The following CELF4 variants were observed in gnomAD, a reference collection of about 807,000 sequenced individuals.
CELF4 encodes the protein CUG-BP- and ETR-3-like factor 4.
Under a neutral mutation model 59.9 loss-of-function variants are expected in CELF4, and 18 were observed. The observed-to-expected ratio is 0.30, with a 90% CI of 0.21 to 0.45. CELF4 has a LOEUF of 0.45. CELF4 is among the 20% of genes least tolerant of loss of function. The pLI is 1.00. For synonymous variants in CELF4, 261 were observed against 267.1 expected, an observed-to-expected ratio of 0.98 and a Z score of 0.22; for missense variants, 456 against 689.0, an observed-to-expected ratio of 0.66 and a Z score of 3.79.
At chr18:37,441,836 C>T (rs185443877) in intron 2 of CELF4, among the ~76,000 whole-genome samples, 393 of 152,244 alleles carry the variant, frequency 2.6e-3, no homozygotes, top group African/African-American at 9.0e-3. Context: ...GTCCTCCTGA[C>T]GACTGCAACT....
rs1337224372 is a variant in CELF4 at position 37,246,169 on chromosome 18, T to C, written c.*45-972A>G. On this transcript the variant is annotated intron_variant, in intron 12 of 12. Coordinates refer to ENST00000420428, the MANE Select transcript of CELF4 (RefSeq NM_020180.4). This position sits in a 1 kb window ranked among gnomAD's most constrained non-coding sequence, Gnocchi z 5.3. Reference sequence around the variant, plus strand: ...CTGGTTACATCAAGAAAGTTAGAACTGCAAAGCCCCCACTTGAGGGGACAA... The same window carrying C: ...CTGGTTACATCAAGAAAGTTAGAACCGCAAAGCCCCCACTTGAGGGGACAA... Among the ~76,000 whole-genome samples the C allele has an allele frequency of 1.3e-5, 2 of 152,144 alleles. No homozygotes were observed. Among genetic ancestry groups the C allele is most frequent in the African/African-American group, 4.8e-5 (2 of 41,428 alleles).
chr18:37,275,127 C>G lies in CELF4; in HGVS notation c.565G>C (p.Gly189Arg). ...CCGCCCCGCGCACCCTTGCTGTTGC[C>G]GTCGGGCCCGCGCAGGATGGTGCAC... The part of the protein sequence containing the change: ...EECTILRGPD[G>R]NSKGCAFVKY... The change falls in exon 4 of 13, where the codon GGC (glycine) becomes CGC (arginine). Residue 189 changes from glycine (G) to arginine (R), a missense_variant. Coordinates refer to ENST00000420428, the MANE Select transcript of CELF4 (RefSeq NM_020180.4). 4 of 1,613,270 alleles carry G rather than the reference C, an allele frequency of 2.5e-6. No individual in the cohort carries two copies. Among genetic ancestry groups the G allele is most frequent in the Non-Finnish European group, 3.4e-6 (4 of 1,179,830 alleles).
chr18:37,352,950 G>A (rs990066708), intron 2 of CELF4, among the ~76,000 whole-genome samples: 8 of 152,036 alleles, frequency 5.3e-5, no homozygotes, highest in South Asian at 2.1e-4. Flanking sequence ...GGCCGGGCGC[G>A]GTAGCTCACG....
chr18:37,456,113 G>C (rs1301593860), intron 2 of CELF4, among the ~76,000 whole-genome samples: 1 of 152,178 alleles, frequency 6.6e-6, no homozygotes, highest in East Asian at 1.9e-4. Context: ...CCTCGGTCCT[G>C]CTTCAGTGCT....
intron 1 of CELF4, among the ~76,000 whole-genome samples, chr18:37,522,217 T>C (rs1427443176): frequency 6.6e-6 from 1 of 152,182 alleles, no homozygotes; most frequent in Non-Finnish European, 1.5e-5. Flanking sequence ...TCCTCCTGAC[T>C]GGTGCAACAC....
chr18:37,314,658 G>A (rs979237702), intron 3 of CELF4, among the ~76,000 whole-genome samples: 1 of 145,472 alleles, frequency 6.9e-6, no homozygotes, highest in South Asian at 2.2e-4. Context: ...CCACCACCCT[G>A]CCAGGGCCCC....
At chr18:37,463,845 C>T (rs2099800444) in intron 2 of CELF4, among the ~76,000 whole-genome samples, 1 of 152,146 alleles carries the variant, frequency 6.6e-6, no homozygotes, top group African/African-American at 2.4e-5. Context: ...TCTAATCTGT[C>T]CCCACCCAAC....
At chr18:37,531,057 G>A (rs1034416355) in intron 1 of CELF4, among the ~76,000 whole-genome samples, 8 of 152,100 alleles carry the variant, frequency 5.3e-5, no homozygotes, top group South Asian at 2.1e-4. Flanking sequence ...GGGGTCACCC[G>A]TGGAAGAGCA....
chr18:37,346,659 C>T (rs566970644), intron 2 of CELF4, among the ~76,000 whole-genome samples: 8 of 152,048 alleles, frequency 5.3e-5, no homozygotes, highest in Non-Finnish European at 1.2e-4. Context: ...GAGGAAGCAT[C>T]GCAGAGGAGT....
chr18:37,528,898 C>T (rs1362462099), intron 1 of CELF4: 1 of 152,144 alleles, frequency 6.6e-6, no homozygotes, highest in East Asian at 1.9e-4. Context: ...TGTTATTCTT[C>T]TGTAAATTGG....
rs375319008 is a variant in CELF4, at chr18:37,264,967, CGTGT to C, written c.1166-214_1166-211del. Among the ~76,000 whole-genome samples, 9 of 151,502 alleles carry C rather than the reference CGTGT, an allele frequency of 5.9e-5. No homozygotes were observed. In the South Asian group the frequency reaches 1.3e-3, roughly 21 times the overall value. On this transcript the variant is annotated intron_variant, in intron 9 of 12. Transcript: ENST00000420428. ...GGAAATGGGTGTGTGGGTGTGTGTA[CGTGT>C]GTGTGTGCGTGTGTGTACATTACAT... is the stretch of plus-strand genomic sequence containing the variant.
At chr18:37,518,925 A>G (rs1459636258) in intron 1 of CELF4, among the ~76,000 whole-genome samples, 1 of 152,228 alleles carries the variant, frequency 6.6e-6, no homozygotes, top group Non-Finnish European at 1.5e-5. Flanking sequence ...TGCACGCACA[A>G]GTAATTTTGC....
intron 2 of CELF4, among the ~76,000 whole-genome samples, chr18:37,448,347 TACCAGTC>T (rs1356669381): frequency 2.0e-5 from 3 of 152,216 alleles, no homozygotes; most frequent in African/African-American, 7.2e-5. Context: ...TTCCCTTCCC[TACCAGTC>T]ACCAGTCCTC....
chr18:37,284,427 T>C (rs1046297959), intron 3 of CELF4, among the ~76,000 whole-genome samples: 3 of 149,752 alleles, frequency 2.0e-5, no homozygotes, highest in East Asian at 4.1e-4. Flanking sequence ...CCTCCAACCC[T>C]GGGCCCATTC....
intron 3 of CELF4, among the ~76,000 whole-genome samples, chr18:37,309,379 G>A (rs532151687): frequency 6.6e-6 from 1 of 152,204 alleles, no homozygotes; most frequent in South Asian, 2.1e-4. Context: ...CAGGGCTGCT[G>A]TAAGGCTCAA....
intron 1 of CELF4, among the ~76,000 whole-genome samples, chr18:37,551,955 C>CA (rs2099983345): frequency 6.6e-6 from 1 of 152,182 alleles, no homozygotes; most frequent in African/African-American, 2.4e-5. Context: ...TGCAGAGGGA[C>CA]AAAAACAAAA....
intron 2 of CELF4, among the ~76,000 whole-genome samples, chr18:37,362,217 T>C (rs903739182): frequency 6.6e-6 from 1 of 152,134 alleles, no homozygotes; most frequent in African/African-American, 2.4e-5. Flanking sequence ...CCAGGTGCCC[T>C]AACCAGTAAT....
chr18:37,287,506 C>A (rs918142537), intron 3 of CELF4, among the ~76,000 whole-genome samples: 5 of 152,210 alleles, frequency 3.3e-5, no homozygotes, highest in African/African-American at 4.8e-5. Flanking sequence ...CGCGGCTTAG[C>A]CCCTGAGGGC....
intron 3 of CELF4, among the ~76,000 whole-genome samples, chr18:37,303,687 A>G (rs1477487342): frequency 6.6e-6 from 1 of 152,130 alleles, no homozygotes; most frequent in East Asian, 1.9e-4. Context: ...GGAACTACAC[A>G]GTTAAATTTG....
Sources: allele counts gnomAD v4.1 joint callset (sites outside exome capture counted in the v4.1 genomes callset), GRCh38; gene constraint gnomAD v4.1.1; non-coding constraint Gnocchi (gnomAD v3.1); transcripts MANE v1.5; gene names NCBI Gene and HGNC (gene_info 2026-07-23, HGNC 2026-07-21).